Variants in SPDYA observed in about 807,000 individuals in gnomAD.
The protein encoded by SPDYA is speedy/RINGO cell cycle regulator family member A, also known as speedy protein A.
A neutral mutation model predicts 36.7 loss-of-function variants in SPDYA; 11 were observed. That is an observed-to-expected ratio of 0.30 (90% CI 0.19 to 0.50). SPDYA has a LOEUF of 0.50. SPDYA is among the 20% of genes least tolerant of loss of function. SPDYA has a pLI of 0.98. For missense variants in SPDYA, 287 were observed against 370.9 expected, an observed-to-expected ratio of 0.77 and a Z score of 1.86; for synonymous variants, 115 against 118.7, an observed-to-expected ratio of 0.97 and a Z score of 0.20.
intron 7 of SPDYA, among the ~76,000 whole-genome samples, chr2:28,845,249 C>CTTTT (rs372229883): frequency 7.5e-6 from 1 of 132,574 alleles, no homozygotes. Flanking sequence ...CCATGCCCAG[C>CTTTT]TTTTTTTTTT....
At chr2:28,849,476 G>A (rs1231175758) in intron 7 of SPDYA, among the ~76,000 whole-genome samples, 2 of 152,188 alleles carry the variant, frequency 1.3e-5, no homozygotes, top group Non-Finnish European at 1.5e-5. Context: ...ATTTTTAGTA[G>A]AGACAAGGTT....
intron 2 of SPDYA, 60 bp from the exon 3 acceptor site, chr2:28,815,933 CAGTT>C (rs1415634610): frequency 3.1e-5 from 32 of 1,044,122 alleles, no homozygotes; most frequent in African/African-American, 2.6e-4. Context: ...TAGTATCATC[CAGTT>C]AGTTGTTTAT....
At chr2:28,823,928 G>C (rs1668246545) in intron 5 of SPDYA, among the ~76,000 whole-genome samples, 1 of 148,636 alleles carries the variant, frequency 6.7e-6, no homozygotes, top group African/African-American at 2.5e-5. Flanking sequence ...TGTGTTTTTA[G>C]TAGAGATGAG....
chr2:28,840,058 T>C (rs1236631983), intron 6 of SPDYA, 114 bp from the exon 7 acceptor site: 2 of 981,074 alleles, frequency 2.0e-6, no homozygotes, highest in African/African-American at 1.7e-5. Flanking sequence ...AATCAGCAAT[T>C]TGGATTTTTA....
At chr2:28,834,559 G>C (rs75609492) in intron 6 of SPDYA, among the ~76,000 whole-genome samples, 1 of 152,174 alleles carries the variant, frequency 6.6e-6, no homozygotes, top group Non-Finnish European at 1.5e-5. Flanking sequence ...TGAAGTACCT[G>C]GTTCAAGCTA....
At chr2:28,817,642 G>A (rs1668020683) in intron 3 of SPDYA, among the ~76,000 whole-genome samples, 1 of 151,438 alleles carries the variant, frequency 6.6e-6, no homozygotes, top group Non-Finnish European at 1.5e-5. Flanking sequence ...TTAGGAGGCT[G>A]AAGGGGGCGG....
intron 6 of SPDYA, among the ~76,000 whole-genome samples, chr2:28,831,682 C>T (rs1202295809): frequency 6.6e-6 from 1 of 152,172 alleles, no homozygotes; most frequent in Non-Finnish European, 1.5e-5. Flanking sequence ...TAGTACACTT[C>T]TAATATCTCC....
intron 4 of SPDYA, among the ~76,000 whole-genome samples, chr2:28,820,976 T>C (rs1363991346): frequency 1.3e-5 from 2 of 152,184 alleles, no homozygotes; most frequent in Non-Finnish European, 2.9e-5. Context: ...CTGTGGCTGT[T>C]CTTGTTTCTT....
chr2:28,818,977 C>G (rs768488025), intron 3 of SPDYA, 71 bp from the exon 4 acceptor site: 14 of 1,210,748 alleles, frequency 1.2e-5, no homozygotes, highest in Non-Finnish European at 1.7e-5. Flanking sequence ...AATCTCTTGA[C>G]ATAGAAATTA....
At chr2:28,822,040 G>A (rs948621713) in intron 4 of SPDYA, among the ~76,000 whole-genome samples, 2 of 152,134 alleles carry the variant, frequency 1.3e-5, no homozygotes, top group Non-Finnish European at 2.9e-5. Context: ...GTATAGGTTT[G>A]AAATTTAAAT....
rs572127962 is a variant in SPDYA at position 28,839,196 on chromosome 2, T to C, written c.553-976T>C. On this transcript the variant is annotated intron_variant, in intron 6 of 7. Coordinates refer to ENST00000334056, the MANE Select transcript of SPDYA (RefSeq NM_182756.4). ...AAAAGTTAAATAACTTGCCCAGTAT[T>C]ATACAGCTAGCAAGTGGCAGTGCCA... 1.1e-3 allele frequency among the ~76,000 whole-genome samples: 174 copies of C among 152,262 alleles called. 1 individual carries two copies. The highest frequency in any genetic ancestry group is 4.1e-3 in the African/African-American group (169 of 41,554).
chr2:28,830,013 C>T (rs1668440745), intron 6 of SPDYA, among the ~76,000 whole-genome samples: 1 of 148,692 alleles, frequency 6.7e-6, no homozygotes, highest in Non-Finnish European at 1.5e-5. Context: ...GTGGCTGGTG[C>T]CTGTAATCCC....
chr2:28,832,238 A>G (rs2148095049), intron 6 of SPDYA, among the ~76,000 whole-genome samples: 1 of 152,274 alleles, frequency 6.6e-6, no homozygotes, highest in East Asian at 1.9e-4. Flanking sequence ...CCAAATCCCA[A>G]GGTTAATTTG....
chr2:28,812,805 C>T (rs1417902063), intron 1 of SPDYA, among the ~76,000 whole-genome samples: 2 of 135,634 alleles, frequency 1.5e-5, no homozygotes, highest in Non-Finnish European at 3.0e-5. Context: ...TGCAGTGAGC[C>T]GAGATCGAGC....
At chr2:28,840,066 T>G in intron 6 of SPDYA, 106 bp from the exon 7 acceptor site, 1 of 1,094,704 alleles carries the variant, frequency 9.1e-7, no homozygotes. Context: ...ATTTGGATTT[T>G]TATCTTCACT....
intron 5 of SPDYA, among the ~76,000 whole-genome samples, chr2:28,823,702 A>AATATAT (rs1160889916): frequency 0.029 from 1,438 of 49,012 alleles, 12 homozygotes; most frequent in Non-Finnish European, 0.035. Context: ...GGAATGCATG[A>AATATAT]ATATATATAT....
chr2:28,821,189 T>TTCTTTC (rs1668149727), intron 4 of SPDYA, among the ~76,000 whole-genome samples: 1 of 143,772 alleles, frequency 7.0e-6, no homozygotes, highest in African/African-American at 2.6e-5. Flanking sequence ...TTTTTTTTTT[T>TTCTTTC]TCTTTTTCTT....
chr2:28,840,930 GT>G (rs70956054), intron 7 of SPDYA: 33,361 of 114,222 alleles, frequency 0.29, 1,740 homozygotes, highest in Middle Eastern at 0.37. Flanking sequence ...TCCAAAACCA[GT>G]TTTTTTTTTT....
chr2:28,842,643 G>T (rs1668776527), intron 7 of SPDYA, among the ~76,000 whole-genome samples: 1 of 152,162 alleles, frequency 6.6e-6, no homozygotes, highest in African/African-American at 2.4e-5. Flanking sequence ...TTTACCCATA[G>T]CCATTTTATT....
Sources: allele counts gnomAD v4.1 joint callset (sites outside exome capture counted in the v4.1 genomes callset), GRCh38; gene constraint gnomAD v4.1.1; transcripts MANE v1.5; gene names NCBI Gene and HGNC (gene_info 2026-07-23, HGNC 2026-07-21).